ZNF726: variants seen among roughly 807,000 people sequenced by gnomAD.
ZNF726 encodes zinc finger protein 726, also known as zinc finger protein 92 pseudogene 3.
In ZNF726, 15 loss-of-function variants were observed where a neutral mutation model predicts 11.6. The ratio of observed to expected loss-of-function variants is 1.29; its 90% CI spans 0.86 to 1.99. The LOEUF (loss-of-function observed/expected upper bound fraction) is 1.99, where lower values mean the gene tolerates loss of function less well. Ranked by LOEUF, ZNF726 falls within the 30% of genes most tolerant of loss-of-function variation. The probability of loss-of-function intolerance (pLI) is 0.00; values close to 1 mark genes in which losing one functional copy is unlikely to be tolerated. For synonymous variants in ZNF726, 295 were observed against 243.6 expected, an observed-to-expected ratio of 1.21 and a Z score of -1.96; for missense variants, 890 against 725.6, an observed-to-expected ratio of 1.23 and a Z score of -2.60.
rs893274135 is a variant in ZNF726 at position 23,943,590 on chromosome 19, G to A, written c.322+1G>A. 48 of 627,012 alleles carry A rather than the reference G, an allele frequency of 7.7e-5. No homozygotes were observed. In the East Asian group the frequency reaches 1.2e-3, roughly 16 times the overall value. The allele number at this position is 627,012 out of a possible 1,614,324, so 38.8% of individuals were successfully genotyped here. A position where few individuals can be genotyped will look rare whatever the true frequency, so the allele number is the denominator to read the frequency against. On this transcript the variant is annotated splice_donor_variant, in intron 4 of 4. Coordinates refer to the ZNF726 transcript ENST00000334589. LOFTEE classifies it high-confidence loss of function. ...CATGAGACAGTAGTCAAATACTCAG[G>A]TAGGTAAGCATGAATGAAGCCGATA...
At chr19:23,934,619 CCT>C (rs1463217703), downstream of ZNF726, 5 of 295,670 alleles carry the variant, frequency 1.7e-5, no homozygotes, top group Non-Finnish European at 3.3e-5. Context: ...CTCTCCAGCT[CCT>C]CTCTTGTTCA....
At position 23,934,043 on chromosome 19, in the gene ZNF726, A is replaced by G. The variant is rs574620221; in HGVS notation, c.*76A>G. ...CAACGCTAAACATAAGAGGATGCACACTGGAGAGAAACCCTACAAATGTGA... is the reference window on the plus strand; with the variant it reads ...CAACGCTAAACATAAGAGGATGCACGCTGGAGAGAAACCCTACAAATGTGA... On this transcript the variant is annotated 3_prime_UTR_variant, in exon 4 of 4. Transcript: ENST00000594466. 1.5e-5 allele frequency: 23 copies of G among 1,501,270 alleles called. No homozygotes were observed. The highest frequency in any genetic ancestry group is 2.0e-5 in the Non-Finnish European group (22 of 1,083,112). The allele number at this position is 1,501,270 out of a possible 1,614,324, so 93.0% of individuals were successfully genotyped here. A position where few individuals can be genotyped will look rare whatever the true frequency, so the allele number is the denominator to read the frequency against.
intron 3 of ZNF726, among the ~76,000 whole-genome samples, chr19:23,942,434 G>A (rs1968352670): frequency 6.6e-6 from 1 of 152,100 alleles, no homozygotes; most frequent in Non-Finnish European, 1.5e-5. Context: ...TTTGTGTTCT[G>A]CGGTTGTAGG....
chr19:23,925,756 A>G (rs58438477), intron 3 of ZNF726, among the ~76,000 whole-genome samples: 33,054 of 135,336 alleles, frequency 0.24, 4,044 homozygotes, highest in African/African-American at 0.28. Flanking sequence ...TTGCTCTGTC[A>G]CCCAGGCTGA....
Position 23,932,448 on chromosome 19 carries a change from T to C in ZNF726, c.332T>C (p.Leu111Ser), listed in dbSNP as rs1968127839. 6.3e-7 allele frequency: 1 copy of C among 1,575,086 alleles called. No individual in the cohort carries two copies. The highest frequency in any genetic ancestry group is 2.3e-5 in the East Asian group (1 of 44,176). The change falls in exon 4 of 4, where the codon TTA becomes TCA. Residue 111 changes from leucine to serine, a missense_variant. Physicochemically the swap from Leu to Ser is moderately radical, Grantham distance 145. Transcript: ENST00000594466. ...RRFEKCGHEN[L>S]QLRKGCKSVD... ...TTTGAAAAATGTGGACATGAGAATT[T>C]ACAGTTAAGAAAAGGTTGTAAAAGT...
intron 3 of ZNF726, among the ~76,000 whole-genome samples, chr19:23,924,848 T>G (rs992618446): frequency 6.6e-6 from 1 of 151,900 alleles, no homozygotes; most frequent in African/African-American, 2.4e-5. Context: ...GCCATAATTG[T>G]CCCATTGTAC....
chr19:23,932,402 CA>C lies in ZNF726; in HGVS notation c.291del (p.Val98Ter). On this transcript the variant is annotated frameshift_variant, in exon 4 of 4. Transcript: ENST00000594466. LOFTEE classifies it low-confidence loss of function (END_TRUNC). ...AGAGCAGGGCGTGGAAGATTCTTTT[CA>C]AAAAGTAATACTAAGAAGATTTGAA... ...WPEQGVEDSF[Q>X]KVILRRFEKC... The C allele has an allele frequency of 6.5e-7, 1 of 1,527,238 alleles. No homozygotes were observed. The highest frequency in any genetic ancestry group is 2.3e-5 in the East Asian group (1 of 43,554). The allele number at this position is 1,527,238 out of a possible 1,614,324, so 94.6% of individuals were successfully genotyped here.
intron 1 of ZNF726, among the ~76,000 whole-genome samples, chr19:23,916,387 C>T (rs984828806): frequency 1.3e-5 from 2 of 151,842 alleles, no homozygotes; most frequent in Non-Finnish European, 2.9e-5. Context: ...GGCTGGAGTG[C>T]AGTGGCATGA....
In ZNF726 at chr19:23,933,991, A is replaced by C. The variant is rs1968182022; in HGVS notation, c.*24A>C. On this transcript the variant is annotated 3_prime_UTR_variant, in exon 4 of 4. Transcript: ENST00000594466. ...GAGAGAAACCTTAAAAAGGGTAAAG[A>C]ATGTGGCAAAGCATTTATATGGTCC... is the stretch of plus-strand genomic sequence containing the variant. 1 of 1,570,588 alleles carries C rather than the reference A, an allele frequency of 6.4e-7. No homozygotes were observed. Among genetic ancestry groups the C allele is most frequent in the Non-Finnish European group, 8.7e-7 (1 of 1,155,524 alleles).
Position 23,932,911 on chromosome 19 carries a change from A to G in ZNF726, c.795A>G (p.Ala265=), listed in dbSNP as rs970166762. Residue 265 remains alanine (A), a synonymous_variant, in exon 4 of 4, where the codon GCA becomes GCG. Coordinates refer to ENST00000594466, the MANE Select transcript of ZNF726 (RefSeq NM_001244038.2). ...ACAAGTGTGAAGAATGTGGCAAAGC[A>G]TTTAGCCAATCCTCAACACTAACCA... ...KPYKCEECGK[A]FSQSSTLTIH... is the part of the protein sequence containing the mutation. 18 of 1,610,172 alleles carry G rather than the reference A, an allele frequency of 1.1e-5. No individual in the cohort carries two copies. The highest frequency in any genetic ancestry group is 2.2e-5 in the East Asian group (1 of 44,768).
At chr19:23,934,556 A>AATCAAGAAGGGTGTACAAGTG, downstream of ZNF726, 1 of 356,228 alleles carries the variant, frequency 2.8e-6, no homozygotes, top group Non-Finnish European at 5.5e-6. Context: ...ATTTTCATAC[A>AATCAAGAAGGGTGTACAAGTG]GTCTTTCTAG....
chr19:23,929,517 C>T (rs865851343), intron 3 of ZNF726, among the ~76,000 whole-genome samples: 5 of 152,128 alleles, frequency 3.3e-5, no homozygotes, highest in African/African-American at 9.7e-5. Context: ...TATTCACTAT[C>T]ATGAGACCAG....
chr19:23,929,714 A>G (rs1318577152), intron 3 of ZNF726, among the ~76,000 whole-genome samples: 1 of 152,250 alleles, frequency 6.6e-6, no homozygotes, highest in East Asian at 1.9e-4. Flanking sequence ...TCAATTGAAT[A>G]TAAAGATTAT....
downstream of ZNF726, chr19:23,935,709 G>A (rs1305212584): frequency 4.1e-6 from 1 of 246,012 alleles, no homozygotes; most frequent in African/African-American, 2.3e-5. Flanking sequence ...AACTACCAAT[G>A]TGAACAATGT....
chr19:23,926,428 A>G (rs1024423604), intron 3 of ZNF726, among the ~76,000 whole-genome samples: 1 of 151,938 alleles, frequency 6.6e-6, no homozygotes, highest in African/African-American at 2.4e-5. Context: ...GATGGCGTGC[A>G]TGTTAATCCC....
At chr19:23,935,137 C>T (rs918144092), downstream of ZNF726, 4 of 371,728 alleles carry the variant, frequency 1.1e-5, no homozygotes, top group East Asian at 1.5e-4. Flanking sequence ...TGTAACCCCA[C>T]GCAAATCTCG....
At chr19:23,936,934 G>A (rs1012976810), downstream of ZNF726, among the ~76,000 whole-genome samples, 24 of 151,584 alleles carry the variant, frequency 1.6e-4, no homozygotes, top group Admixed American at 3.9e-4. Context: ...CCACAAAACC[G>A]CCATTGTCAT....
intron 3 of ZNF726, among the ~76,000 whole-genome samples, chr19:23,931,165 G>C (rs1334005620): frequency 6.6e-6 from 1 of 152,084 alleles, no homozygotes; most frequent in Admixed American, 6.6e-5. Flanking sequence ...GTAGAGATGG[G>C]GTTTCACCCT....
chr19:23,919,305 C>G, intron 1 of ZNF726, 68 bp from the exon 2 acceptor site: 2 of 1,574,856 alleles, frequency 1.3e-6, no homozygotes, highest in South Asian at 1.1e-5. Context: ...CTGATTTTAC[C>G]TTGAGTCAAA....
Sources: allele counts gnomAD v4.1 joint callset (sites outside exome capture counted in the v4.1 genomes callset), GRCh38; gene constraint gnomAD v4.1.1; transcripts MANE v1.5; gene names NCBI Gene and HGNC (gene_info 2026-07-23, HGNC 2026-07-21).